MTMR1: variants seen among roughly 807,000 people sequenced by gnomAD.
MTMR1 encodes myotubularin related protein 1.
Under a neutral mutation model 51.6 loss-of-function variants are expected in MTMR1, and 17 were observed. The observed-to-expected ratio is 0.33, with a 90% CI of 0.23 to 0.49. The LOEUF is 0.49. Among genes scored for constraint, MTMR1 ranks in the 20% least tolerant of loss-of-function variants. MTMR1 has a pLI of 0.99. For synonymous variants in MTMR1, 201 were observed against 205.6 expected, an observed-to-expected ratio of 0.98 and a Z score of 0.19; for missense variants, 386 against 526.9, an observed-to-expected ratio of 0.73 and a Z score of 2.62.
intron 6 of MTMR1, among the ~76,000 whole-genome samples, chrX:150,729,008 C>T (rs781797318): frequency 2.0e-4 from 22 of 110,108 alleles, no homozygotes; most frequent in Non-Finnish European, 4.0e-4. Flanking sequence ...GTGACTTGAT[C>T]GGTTCTGCAA....
At chrX:150,758,853 C>T (rs782576478) in intron 15 of MTMR1, among the ~76,000 whole-genome samples, 97 of 111,162 alleles carry the variant, frequency 8.7e-4, no homozygotes, top group Non-Finnish European at 1.8e-3. Context: ...CTCTGCAAGA[C>T]ATGTCCCTGC....
chrX:150,732,178 G>A (rs782433234), intron 9 of MTMR1, among the ~76,000 whole-genome samples: 3 of 111,935 alleles, frequency 2.7e-5, no homozygotes, highest in East Asian at 2.8e-4. Context: ...ACCCTGCCAC[G>A]TATATTATTG....
chrX:150,761,863 C>T (rs1207572750), intron 15 of MTMR1, among the ~76,000 whole-genome samples: 1 of 112,295 alleles, frequency 8.9e-6, no homozygotes, highest in Non-Finnish European at 1.9e-5. Context: ...GACTGGATGT[C>T]CCATATGCCC....
chrX:150,733,787 G>A (rs781862633), intron 10 of MTMR1, among the ~76,000 whole-genome samples: 5 of 111,273 alleles, frequency 4.5e-5, no homozygotes, highest in Non-Finnish European at 9.4e-5. Context: ...TTAGCACAGT[G>A]GTGAGTGCAT....
chrX:150,714,525 A>G (rs1557416335), intron 3 of MTMR1: 2 of 979,598 alleles, frequency 2.0e-6, no homozygotes, highest in Non-Finnish European at 2.7e-6. Flanking sequence ...GCTGAAGCTG[A>G]TCAGGTGGCA....
chrX:150,733,134 C>T (rs892129710), intron 10 of MTMR1, among the ~76,000 whole-genome samples: 5 of 112,160 alleles, frequency 4.5e-5, no homozygotes, highest in Non-Finnish European at 9.4e-5. Context: ...TGTAAATGTA[C>T]AAAGTTTCCA....
chrX:150,709,798 A>G (rs1353260594), intron 2 of MTMR1, among the ~76,000 whole-genome samples: 3 of 111,356 alleles, frequency 2.7e-5, no homozygotes, highest in African/African-American at 9.8e-5. Flanking sequence ...GCGCCCAGCC[A>G]TGAAAGATCC....
At chrX:150,753,861 T>G (rs1465568681) in intron 14 of MTMR1, among the ~76,000 whole-genome samples, 1 of 112,554 alleles carries the variant, frequency 8.9e-6, no homozygotes, top group Admixed American at 9.4e-5. Flanking sequence ...CTCTTGCTGC[T>G]TACACTTTTG....
At chrX:150,751,175 T>C (rs1399837470) in intron 14 of MTMR1, 2 of 880,909 alleles carry the variant, frequency 2.3e-6, no homozygotes, top group East Asian at 7.9e-5. Context: ...CTCTGTGGTG[T>C]TGGCCAGATC....
At chrX:150,712,672 A>G (rs1333217297) in intron 3 of MTMR1, 1 of 267,437 alleles carries the variant, frequency 3.7e-6, no homozygotes, top group Non-Finnish European at 6.6e-6. Flanking sequence ...CTGGGGTTAT[A>G]AGGCTGGGGC....
Position 150,712,296 on chromosome X carries a change from A to G in MTMR1, c.253-46A>G, listed in dbSNP as rs1443583178. The stretch of plus-strand genomic sequence containing the variant: ...ACTTAATGGCATCTTTCACAGGTCA[A>G]TAGTAACATGTCCATGATGATGATA... On this transcript the variant is annotated intron_variant, in intron 2 of 15. Coordinates refer to ENST00000445323, the MANE Select transcript of MTMR1 (RefSeq NM_001306144.3). 9 of 1,123,485 alleles carry G rather than the reference A, an allele frequency of 8.0e-6. No individual in the cohort carries two copies. The African/African-American group carries it at 1.3e-4, about 16-fold the overall frequency. The allele number at this position is 1,123,485 out of a possible 1,213,427, so 92.6% of individuals were successfully genotyped here. A position where few individuals can be genotyped will look rare whatever the true frequency, so the allele number is the denominator to read the frequency against.
Position 150,762,866 on chromosome X carries a change from C to A in MTMR1, c.*137C>A. ...GACCATTTGTGTGGCTAGGTGACAG[C>A]TCCCACTGTTGGCAACCGTTACCCT... On this transcript the variant is annotated 3_prime_UTR_variant, in exon 16 of 16. Transcript: ENST00000445323. 1.3e-6 allele frequency: 1 copy of A among 744,391 alleles called. No individual in the cohort carries two copies. Among genetic ancestry groups the A allele is most frequent in the Non-Finnish European group, 1.8e-6 (1 of 552,615 alleles). 61.3% of individuals were successfully genotyped at this position (744,391 alleles called of 1,213,427 possible).
intron 12 of MTMR1, among the ~76,000 whole-genome samples, chrX:150,743,617 GT>G (rs782016386): frequency 9.0e-6 from 1 of 111,602 alleles, no homozygotes; most frequent in Non-Finnish European, 1.9e-5. Flanking sequence ...TTCTTAATGA[GT>G]TTTTTTCCCC....
At position 150,714,923 on chromosome X, in the gene MTMR1, A is replaced by T. The variant is rs782533173; in HGVS notation, c.276+2558A>T. ...ATCTATGCCCAACACAGTACCTGGT[A>T]CCATGTAGATATTTGTGGAATTGGT... On this transcript the variant is annotated intron_variant, in intron 3 of 15. Coordinates refer to ENST00000445323, the MANE Select transcript of MTMR1 (RefSeq NM_001306144.3). 1.2e-4 allele frequency among the ~76,000 whole-genome samples: 14 copies of T among 112,107 alleles called. No individual in the cohort carries two copies. In the South Asian group the frequency reaches 5.2e-3, roughly 42 times the overall value.
rs189308156 is a variant in MTMR1, at chrX:150,730,242, G to A, written c.657+32G>A. On this transcript the variant is annotated intron_variant, in intron 7 of 15. Transcript: ENST00000445323. The stretch of plus-strand genomic sequence containing the variant: ...ACACCAGAGTAAACCTTTTCTGCAT[G>A]CATTTGTGGGGGTCCAAATATCCTA... 8.6e-4 allele frequency: 841 copies of A among 978,728 alleles called. 2 individuals carry two copies. Among genetic ancestry groups the A allele is most frequent in the Non-Finnish European group, 1.0e-3 (738 of 717,212 alleles). 80.7% of individuals were successfully genotyped at this position (978,728 alleles called of 1,213,427 possible). A position where few individuals can be genotyped will look rare whatever the true frequency, so the allele number is the denominator to read the frequency against.
intron 5 of MTMR1, 67 bp from the exon 6 acceptor site, chrX:150,727,617 C>A: frequency 1.1e-6 from 1 of 871,255 alleles, no homozygotes; most frequent in Non-Finnish European, 1.7e-6. Context: ...TGTAACCCAG[C>A]AAAGACTTAA....
At chrX:150,747,145 T>C (rs2042595196) in intron 13 of MTMR1, among the ~76,000 whole-genome samples, 1 of 111,233 alleles carries the variant, frequency 9.0e-6, no homozygotes, top group Non-Finnish European at 1.9e-5. Flanking sequence ...ATATTTTTGT[T>C]CCTCAAGAGG....
rs376892592 is a variant in MTMR1, at chrX:150,730,590, A to G, written c.723A>G (p.Val241=). ...ATGGCTGGAAAGTTTATGATCCAGT[A>G]TCTGAATATAAGAGACAGGTAAAGT... is the stretch of plus-strand genomic sequence containing the variant. ...PINGWKVYDP[V]SEYKRQGLPN... Residue 241 remains valine (V), a synonymous_variant, in exon 8 of 16, where the codon GTA becomes GTG. Transcript: ENST00000445323. 5 of 1,133,105 alleles carry G rather than the reference A, an allele frequency of 4.4e-6. No individual in the cohort carries two copies. The highest frequency in any genetic ancestry group is 3.6e-5 in the African/African-American group (2 of 55,568). The allele number at this position is 1,133,105 out of a possible 1,213,427, so 93.4% of individuals were successfully genotyped here.
chrX:150,730,157 C>G lies in MTMR1; in HGVS notation c.604C>G (p.Leu202Val), dbSNP rs1329520700. Residue 202 changes from leucine (L) to valine (V), a missense_variant, in exon 7 of 16, where the codon CTA becomes GTA. Coordinates refer to ENST00000445323, the MANE Select transcript of MTMR1 (RefSeq NM_001306144.3). ...LAYKQEEQSK[L>V]GIFENLNKHA... ...TTATAAACAGGAAGAACAGAGTAAA[C>G]TAGGGATATTTGAAAACCTCAACAA... The G allele has an allele frequency of 2.5e-6, 3 of 1,204,524 alleles. No homozygotes were observed. The African/African-American group carries it at 5.3e-5, about 21-fold the overall frequency.
Sources: gnomAD v4.1 joint callset for allele counts (sites outside exome capture counted in the v4.1 genomes callset) on GRCh38, gnomAD v4.1.1 for gene constraint, MANE v1.5 for transcripts, NCBI Gene and HGNC (gene_info 2026-07-23, HGNC 2026-07-21) for gene names.